Variants in PPP1R9A observed in about 807,000 individuals in gnomAD.
The protein encoded by PPP1R9A is protein phosphatase 1 regulatory subunit 9A, also known as neurabin-1.
Under a neutral mutation model 141.9 loss-of-function variants are expected in PPP1R9A, and 59 were observed. The ratio of observed to expected loss-of-function variants is 0.42; its 90% CI spans 0.34 to 0.52. The LOEUF is 0.52. PPP1R9A is among the 20% of genes least tolerant of loss of function. PPP1R9A has a pLI of 0.10. For synonymous variants in PPP1R9A, 500 were observed against 569.7 expected (o/e 0.88, Z 1.74); for missense variants, 1,444 against 1,611.9 (o/e 0.90, Z 1.78).
At chr7:95,102,168 C>T (rs1297869285) in intron 2 of PPP1R9A, among the ~76,000 whole-genome samples, 2 of 152,182 alleles carry the variant, frequency 1.3e-5, no homozygotes, top group East Asian at 3.9e-4. Flanking sequence ...GTAAAATTAA[C>T]TAAAAGCTTA....
chr7:95,120,610 G>A (rs1584795350), intron 3 of PPP1R9A, 102 bp from the exon 4 acceptor site: 2 of 1,330,934 alleles, frequency 1.5e-6, no homozygotes, highest in East Asian at 2.3e-5. Flanking sequence ...CTATCCATAA[G>A]GAAAAATAAA....
At chr7:94,919,129 GTTTC>G (rs915582000) in intron 2 of PPP1R9A, among the ~76,000 whole-genome samples, 3 of 151,920 alleles carry the variant, frequency 2.0e-5, no homozygotes, top group African/African-American at 7.3e-5. Context: ...TCAGCATAGG[GTTTC>G]TTTATTTCCT....
chr7:95,236,080 C>T (rs911739809), intron 8 of PPP1R9A, among the ~76,000 whole-genome samples: 3 of 152,092 alleles, frequency 2.0e-5, no homozygotes, highest in African/African-American at 4.8e-5. Flanking sequence ...CCTCAGAAAT[C>T]ACCACTAAAG....
chr7:95,115,916 C>CAAAA (rs746135056), intron 3 of PPP1R9A, among the ~76,000 whole-genome samples: 5 of 60,162 alleles, frequency 8.3e-5, no homozygotes, highest in Admixed American at 1.9e-4. Flanking sequence ...GACTCTGTCT[C>CAAAA]AAAAAAAAAA....
intron 2 of PPP1R9A, among the ~76,000 whole-genome samples, chr7:95,087,617 C>T (rs1345886678): frequency 6.6e-6 from 1 of 151,972 alleles, no homozygotes; most frequent in Non-Finnish European, 1.5e-5. Flanking sequence ...AATCATGGGC[C>T]GGGTGCCGCT....
intron 2 of PPP1R9A, among the ~76,000 whole-genome samples, chr7:95,049,892 T>C (rs948447122): frequency 1.3e-5 from 2 of 152,190 alleles, no homozygotes; most frequent in African/African-American, 4.8e-5. Flanking sequence ...ATTTTCTGAG[T>C]ATACCACAGT....
At chr7:95,111,944 G>A (rs905034844) in intron 3 of PPP1R9A, among the ~76,000 whole-genome samples, 6 of 151,950 alleles carry the variant, frequency 3.9e-5, no homozygotes, top group East Asian at 3.9e-4. Flanking sequence ...CTGCTGACCC[G>A]TGGGATCAGA....
intron 2 of PPP1R9A, among the ~76,000 whole-genome samples, chr7:95,095,929 G>C (rs529903910): frequency 6.6e-6 from 1 of 152,134 alleles, no homozygotes; most frequent in Non-Finnish European, 1.5e-5. Context: ...TAAAAATTAA[G>C]CATATTTTAC....
In PPP1R9A at chr7:95,121,449, CTGTCT is replaced by C. The variant is rs145263986; in HGVS notation, c.1649+618_1649+622del. ...TCATAATCTCAAGCTATTTGTCTGTCTGTCTGTCTGTCTATCTATCTATCTATCTA... is the reference window on the plus strand; with the variant it reads ...TCATAATCTCAAGCTATTTGTCTGTCGTCTGTCTATCTATCTATCTATCTA... On this transcript the variant is annotated intron_variant, in intron 4 of 19. Coordinates refer to ENST00000433360, the MANE Select transcript of PPP1R9A (RefSeq NM_001166160.2). 1.6e-3 allele frequency among the ~76,000 whole-genome samples: 199 copies of C among 122,762 alleles called. 1 individual carries two copies. The highest frequency in any genetic ancestry group is 5.3e-3 in the African/African-American group (179 of 33,866). The allele number at this position is 122,762 out of a possible 152,430, so 80.5% of individuals were successfully genotyped here. A position where few individuals can be genotyped will look rare whatever the true frequency, so the allele number is the denominator to read the frequency against.
intron 4 of PPP1R9A, among the ~76,000 whole-genome samples, chr7:95,160,198 G>A (rs550181049): frequency 3.3e-5 from 5 of 152,182 alleles, no homozygotes; most frequent in South Asian, 2.1e-4. Flanking sequence ...GTATGTATAT[G>A]TAAGTATACA....
rs1195520342 is a variant in PPP1R9A at position 95,197,650 on chromosome 7, T to C, written c.1755-699T>C. On this transcript the variant is annotated intron_variant, in intron 5 of 19. Coordinates refer to ENST00000433360, the MANE Select transcript of PPP1R9A (RefSeq NM_001166160.2). ...TTATGCTATGCGTCAAAATGTTTGT[T>C]GTTGTTGTTGTTGTTGGTTTGAGAC... Among the ~76,000 whole-genome samples the C allele has an allele frequency of 2.0e-5, 3 of 152,076 alleles. No individual in the cohort carries two copies. In the South Asian group the frequency reaches 6.2e-4, roughly 32 times the overall value.
chr7:95,105,188 G>A (rs1819336646), intron 2 of PPP1R9A, among the ~76,000 whole-genome samples: 2 of 152,192 alleles, frequency 1.3e-5, no homozygotes, highest in African/African-American at 2.4e-5. Flanking sequence ...AGAAGTGAAG[G>A]AAATAAGTTT....
intron 2 of PPP1R9A, among the ~76,000 whole-genome samples, chr7:94,964,566 A>T (rs1797996885): frequency 6.6e-6 from 1 of 152,134 alleles, no homozygotes; most frequent in African/African-American, 2.4e-5. Flanking sequence ...ACTCCAAATT[A>T]TGAATGAGAA....
chr7:95,233,245 C>T (rs771125713), intron 8 of PPP1R9A, among the ~76,000 whole-genome samples: 6 of 152,104 alleles, frequency 3.9e-5, no homozygotes, highest in African/African-American at 7.2e-5. Context: ...TGGAAACCAT[C>T]ATTCTCAGCA....
At chr7:95,090,997 T>C (rs2152337637) in intron 2 of PPP1R9A, among the ~76,000 whole-genome samples, 1 of 152,150 alleles carries the variant, frequency 6.6e-6, no homozygotes, top group East Asian at 1.9e-4. Context: ...AGGATACATC[T>C]ATAAGAATCA....
chr7:95,244,760 T>A (rs1486510689), intron 8 of PPP1R9A, among the ~76,000 whole-genome samples: 1 of 152,138 alleles, frequency 6.6e-6, no homozygotes, highest in African/African-American at 2.4e-5. Context: ...GAAGCTGGGG[T>A]AATCATATTT....
chr7:95,233,065 C>A (rs570093057), intron 8 of PPP1R9A, among the ~76,000 whole-genome samples: 11 of 152,264 alleles, frequency 7.2e-5, no homozygotes, highest in African/African-American at 2.4e-4. Flanking sequence ...AAGACACATG[C>A]ACACCTATGT....
intron 2 of PPP1R9A, among the ~76,000 whole-genome samples, chr7:95,006,971 T>C (rs1803703138): frequency 6.6e-6 from 1 of 152,012 alleles, no homozygotes; most frequent in South Asian, 2.1e-4. Flanking sequence ...CAAGCAGGTC[T>C]CCTGCCTCAG....
At chr7:95,045,627 A>G (rs763460460) in intron 2 of PPP1R9A, among the ~76,000 whole-genome samples, 25 of 152,172 alleles carry the variant, frequency 1.6e-4, no homozygotes, top group African/African-American at 5.3e-4. Flanking sequence ...GTTTTTATCT[A>G]TTGTGAAATT....
Sources: gnomAD v4.1 joint callset for allele counts (sites outside exome capture counted in the v4.1 genomes callset) on GRCh38, gnomAD v4.1.1 for gene constraint, MANE v1.5 for transcripts, NCBI Gene and HGNC (gene_info 2026-07-23, HGNC 2026-07-21) for gene names.